The following HRH1 variants were observed in gnomAD, a reference collection of about 807,000 sequenced individuals.
The protein encoded by HRH1 is histamine H1 receptor.
HRH1 carries 6 observed loss-of-function variants against 10.3 expected under a neutral mutation model. The ratio of observed to expected loss-of-function variants is 0.58; its 90% CI spans 0.32 to 1.15. HRH1 has a LOEUF of 1.15. Among genes scored for constraint, HRH1 ranks in the 50% most tolerant of loss-of-function variants. The probability of loss-of-function intolerance (pLI) is 0.05; values close to 1 mark genes in which losing one functional copy is unlikely to be tolerated. For missense variants in HRH1, 514 were observed against 615.3 expected, an observed-to-expected ratio of 0.84 and a Z score of 1.74; for synonymous variants, 242 against 236.7, an observed-to-expected ratio of 1.02 and a Z score of -0.21.
At chr3:11,206,066 C>A (rs1938113608) in intron 1 of HRH1, among the ~76,000 whole-genome samples, 1 of 152,182 alleles carries the variant, frequency 6.6e-6, no homozygotes, top group Non-Finnish European at 1.5e-5. Context: ...GCACACCCGG[C>A]AGCTGGGCTC....
intron 1 of HRH1, among the ~76,000 whole-genome samples, chr3:11,189,009 C>G (rs548456470): frequency 6.6e-6 from 1 of 152,282 alleles, no homozygotes; most frequent in South Asian, 2.1e-4. Flanking sequence ...TAATGCATAC[C>G]TAACTTTGCT....
chr3:11,182,681 G>A (rs1436180953), intron 1 of HRH1, among the ~76,000 whole-genome samples: 1 of 152,188 alleles, frequency 6.6e-6, no homozygotes, highest in African/African-American at 2.4e-5. Context: ...GCTGCAGCAA[G>A]CCTGTATGAA....
At chr3:11,182,425 AC>A (rs1269685359) in intron 1 of HRH1, among the ~76,000 whole-genome samples, 1 of 152,220 alleles carries the variant, frequency 6.6e-6, no homozygotes, top group Non-Finnish European at 1.5e-5. Flanking sequence ...GTTAGCTGTT[AC>A]CATTAATAGA....
At chr3:11,236,292 G>A (rs1939179193) in intron 1 of HRH1, among the ~76,000 whole-genome samples, 1 of 152,234 alleles carries the variant, frequency 6.6e-6, no homozygotes, top group South Asian at 2.1e-4. Flanking sequence ...AGCCAGATGT[G>A]GTGGCAGGTG....
In HRH1 at chr3:11,220,604, G is replaced by A. The variant is rs555969869; in HGVS notation, c.-35-38399G>A. 1.2e-4 allele frequency among the ~76,000 whole-genome samples: 19 copies of A among 152,308 alleles called. No individual in the cohort carries two copies. The South Asian group carries it at 2.5e-3, about 20-fold the overall frequency. On this transcript the variant is annotated intron_variant, in intron 1 of 1. Coordinates refer to ENST00000431010, the MANE Select transcript of HRH1 (RefSeq NM_001098212.2). ...CAGCTGAGACGGTAAATTGGTTTCC[G>A]TCATCCTGTGCAGGGAAGATCATGC...
At chr3:11,209,396 C>T (rs912262804) in intron 1 of HRH1, among the ~76,000 whole-genome samples, 2 of 152,124 alleles carry the variant, frequency 1.3e-5, no homozygotes, top group African/African-American at 2.4e-5. Context: ...CATGAGCCAC[C>T]GCACCTAGAT....
rs535245122 is a variant in HRH1, at chr3:11,195,950, C to T, written c.-36+41396C>T. Among the ~76,000 whole-genome samples the T allele has an allele frequency of 5.8e-4, 88 of 152,342 alleles. 1 individual carries two copies. The highest frequency in any genetic ancestry group is 1.3e-3 in the Admixed American group (20 of 15,298). On this transcript the variant is annotated intron_variant, in intron 1 of 1. Transcript: ENST00000431010. ...GCAGAAAGCAGCCAGCAACAGCTTT[C>T]GAGTTTTATGCCCCCCAGGAAGAGA... is the stretch of plus-strand genomic sequence containing the variant.
Position 11,160,640 on chromosome 3 carries a change from A to G in HRH1, c.-36+6086A>G, listed in dbSNP as rs192267368. Among the ~76,000 whole-genome samples, 3 of 152,216 alleles carry G rather than the reference A, an allele frequency of 2.0e-5. No individual in the cohort carries two copies. The East Asian group carries it at 5.8e-4, about 29-fold the overall frequency. On this transcript the variant is annotated intron_variant, in intron 1 of 1. Coordinates refer to ENST00000431010, the MANE Select transcript of HRH1 (RefSeq NM_001098212.2). ...TCTTTCCTACGTCACCTGCAGCAGCACTAAATTACAATATATCTTTGGAGG... is the reference window on the plus strand; with the variant it reads ...TCTTTCCTACGTCACCTGCAGCAGCGCTAAATTACAATATATCTTTGGAGG...
intron 1 of HRH1, among the ~76,000 whole-genome samples, chr3:11,177,870 A>G (rs1171204406): frequency 6.6e-6 from 1 of 152,190 alleles, no homozygotes; most frequent in African/African-American, 2.4e-5. Flanking sequence ...GCCTCTCTCC[A>G]AACAGCAGAT....
chr3:11,170,168 G>C (rs534069490), intron 1 of HRH1, among the ~76,000 whole-genome samples: 1 of 152,356 alleles, frequency 6.6e-6, no homozygotes, highest in East Asian at 1.9e-4. Context: ...ATCCGTTCAA[G>C]GGTTTGAAAG....
chr3:11,173,822 G>A (rs1034571145), intron 1 of HRH1, among the ~76,000 whole-genome samples: 2 of 152,144 alleles, frequency 1.3e-5, no homozygotes, highest in Non-Finnish European at 2.9e-5. Flanking sequence ...TTTGGAAACA[G>A]TTTGGGGAGG....
At chr3:11,179,229 A>C (rs994846059) in intron 1 of HRH1, among the ~76,000 whole-genome samples, 1 of 152,072 alleles carries the variant, frequency 6.6e-6, no homozygotes. Flanking sequence ...CAGAGATTGC[A>C]GTGAGCCAAG....
chr3:11,223,622 G>A (rs1463225965), intron 1 of HRH1, among the ~76,000 whole-genome samples: 1 of 152,182 alleles, frequency 6.6e-6, no homozygotes, highest in Non-Finnish European at 1.5e-5. Context: ...GGCAAAGAGG[G>A]GGAGTCAAGT....
At chr3:11,207,548 G>A (rs984045475) in intron 1 of HRH1, among the ~76,000 whole-genome samples, 6 of 152,064 alleles carry the variant, frequency 3.9e-5, no homozygotes, top group East Asian at 1.9e-4. Flanking sequence ...CAGCCTGGGC[G>A]ACAGAGCGAG....
intron 1 of HRH1, chr3:11,252,831 G>T (rs1939687512): frequency 6.6e-6 from 1 of 152,058 alleles, no homozygotes; most frequent in Non-Finnish European, 1.5e-5. Flanking sequence ...TACTTCCCCA[G>T]GGGTTTTAAA....
Position 11,260,077 on chromosome 3 carries a change from C to T in HRH1, c.1040C>T (p.Ser347Leu). The change falls in exon 2 of 2, where the codon TCA becomes TTA. Residue 347 changes from serine (S) to leucine (L), a missense_variant. Coordinates refer to ENST00000431010, the MANE Select transcript of HRH1 (RefSeq NM_001098212.2). ...AACACACATGGGGCCAGCGAGATATCAGAGGATCAGATGTTAGGTGATAGC... is the reference window on the plus strand; with the variant it reads ...AACACACATGGGGCCAGCGAGATATTAGAGGATCAGATGTTAGGTGATAGC... Reference protein sequence around the residue: ...GLNTHGASEISEDQMLGDSQS... With the variant: ...GLNTHGASEILEDQMLGDSQS... 8 of 1,614,142 alleles carry T rather than the reference C, an allele frequency of 5.0e-6. No homozygotes were observed. Among genetic ancestry groups the T allele is most frequent in the Non-Finnish European group, 6.8e-6 (8 of 1,180,012 alleles).
At position 11,260,012 on chromosome 3, in the gene HRH1, C is replaced by T. The variant is rs976195109; in HGVS notation, c.975C>T (p.Asn325=). The T allele has an allele frequency of 6.2e-7, 1 of 1,614,132 alleles. No homozygotes were observed. The highest frequency in any genetic ancestry group is 1.3e-5 in the African/African-American group (1 of 75,026). The change falls in exon 2 of 2, where the codon AAC becomes AAT. Residue 325 remains asparagine (N), a synonymous_variant. Transcript: ENST00000431010. Reference sequence around the variant, plus strand: ...GTAGCAGGGACTATGTAGCCGTCAACCGGAGCCATGGCCAGCTCAAGACAG... The same window carrying T: ...GTAGCAGGGACTATGTAGCCGTCAATCGGAGCCATGGCCAGCTCAAGACAG... ...EGSSRDYVAV[N]RSHGQLKTDE...
At chr3:11,253,277 CAA>C (rs1263501880) in intron 1 of HRH1, 4 of 152,184 alleles carry the variant, frequency 2.6e-5, no homozygotes, top group African/African-American at 9.7e-5. Flanking sequence ...TGGTGGGACT[CAA>C]GAGACAAAGA....
At chr3:11,198,452 A>G (rs555594258) in intron 1 of HRH1, among the ~76,000 whole-genome samples, 1 of 152,328 alleles carries the variant, frequency 6.6e-6, no homozygotes, top group Non-Finnish European at 1.5e-5. Flanking sequence ...CCCAGCTCTT[A>G]TTATTATAAT....
Sources: allele counts gnomAD v4.1 joint callset (sites outside exome capture counted in the v4.1 genomes callset), GRCh38; gene constraint gnomAD v4.1.1; transcripts MANE v1.5; gene names NCBI Gene and HGNC (gene_info 2026-07-23, HGNC 2026-07-21).